CRAMP1: variants seen among roughly 807,000 people sequenced by gnomAD.
CRAMP1 encodes the protein protein cramped-like.
Under a neutral mutation model 115.4 loss-of-function variants are expected in CRAMP1, and 50 were observed. The observed-to-expected ratio is 0.43, with a 90% CI of 0.35 to 0.55. The LOEUF (loss-of-function observed/expected upper bound fraction) is 0.55, where lower values mean the gene tolerates loss of function less well. Among genes scored for constraint, CRAMP1 ranks in the 20% least tolerant of loss-of-function variants. CRAMP1 has a pLI of 0.01. For missense variants in CRAMP1, 1,679 were observed against 1,721.7 expected (o/e 0.98, Z 0.44); for synonymous variants, 866 against 745.4 (o/e 1.16, Z -2.64).
rs1197812928 is a variant in CRAMP1, at chr16:1,675,870, C to G, written c.*1825C>G. On this transcript the variant is annotated 3_prime_UTR_variant, in exon 21 of 21. Coordinates refer to ENST00000397412, the MANE Select transcript of CRAMP1 (RefSeq NM_020825.4). ...GAGAGAGACAGCAGTGTTTGAACTA[C>G]AGCATCTTTACACTAGCTTGTGTTT... 6.6e-6 allele frequency: 1 copy of G among 152,288 alleles called. No homozygotes were observed. Among genetic ancestry groups the G allele is most frequent in the Non-Finnish European group, 1.5e-5 (1 of 68,064 alleles). 9.4% of individuals were successfully genotyped at this position (152,288 alleles called of 1,614,324 possible).
intron 2 of CRAMP1, among the ~76,000 whole-genome samples, 191 bp downstream of exon 2, chr16:1,615,176 T>C (rs1483020796): frequency 6.6e-6 from 1 of 152,238 alleles, no homozygotes; most frequent in African/African-American, 2.4e-5. Flanking sequence ...CGACTTTCTA[T>C]ATTTAAACTC....
intron 3 of CRAMP1, among the ~76,000 whole-genome samples, chr16:1,630,947 G>A (rs751317205): frequency 9.9e-5 from 15 of 152,230 alleles, no homozygotes; most frequent in Non-Finnish European, 1.8e-4. Context: ...GGTGGTGTTT[G>A]CCTTGGTCGC....
chr16:1,634,481 C>T (rs1324671321), intron 4 of CRAMP1, among the ~76,000 whole-genome samples: 1 of 152,150 alleles, frequency 6.6e-6, no homozygotes, highest in African/African-American at 2.4e-5. Flanking sequence ...TAAATGCTCC[C>T]TCACACCTCT....
intron 8 of CRAMP1, among the ~76,000 whole-genome samples, chr16:1,654,856 CAG>C (rs2036756001): frequency 6.6e-6 from 1 of 152,252 alleles, no homozygotes; most frequent in Admixed American, 6.5e-5. Flanking sequence ...ACTTCTCCCT[CAG>C]AATGTATTAA....
chr16:1,677,905 C>T lies in CRAMP1; in HGVS notation c.*3860C>T, dbSNP rs1339941957. ...TGCATAAATACATACTAATGTTGAT[C>T]TAAGGACTGTCGTTTGTGCCTGTTC... On this transcript the variant is annotated 3_prime_UTR_variant, in exon 21 of 21. Coordinates refer to ENST00000397412, the MANE Select transcript of CRAMP1 (RefSeq NM_020825.4). 3.3e-5 allele frequency: 6 copies of T among 179,736 alleles called. No individual in the cohort carries two copies. The highest frequency in any genetic ancestry group is 1.4e-4 in the African/African-American group (6 of 42,602). 11.1% of individuals were successfully genotyped at this position (179,736 alleles called of 1,614,324 possible).
rs2036905003 is a variant in CRAMP1, at chr16:1,669,636, A to T, written c.3499+471A>T. 2.0e-5 allele frequency among the ~76,000 whole-genome samples: 3 copies of T among 152,232 alleles called. No individual in the cohort carries two copies. The highest frequency in any genetic ancestry group is 4.4e-5 in the Non-Finnish European group (3 of 68,044). ...TTCTTGAATATAGATCGGAGAGTTCAGAGGACGTGTCCATCCTCCTCCCCC... is the reference window on the plus strand; with the variant it reads ...TTCTTGAATATAGATCGGAGAGTTCTGAGGACGTGTCCATCCTCCTCCCCC... On this transcript the variant is annotated intron_variant, in intron 19 of 20. Coordinates refer to ENST00000397412, the MANE Select transcript of CRAMP1 (RefSeq NM_020825.4). The surrounding 1 kb of genome is among the most constrained non-coding windows in gnomAD (Gnocchi z 4.6).
chr16:1,625,906 G>A (rs999772835), intron 2 of CRAMP1, 67 bp from the exon 3 acceptor site: 2 of 1,481,842 alleles, frequency 1.3e-6, no homozygotes, highest in East Asian at 2.5e-5. Flanking sequence ...CCCTCCCACC[G>A]GCCCTCTACC....
chr16:1,614,735 G>A lies in CRAMP1; in HGVS notation c.96G>A (p.Gly32=), dbSNP rs1326863139. The change falls in exon 2 of 21, where the codon GGG becomes GGA. Residue 32 remains glycine, a synonymous_variant. Coordinates refer to ENST00000397412, the MANE Select transcript of CRAMP1 (RefSeq NM_020825.4). The surrounding 1 kb of genome is among the most constrained non-coding windows in gnomAD (Gnocchi z 4.4). The part of the protein sequence containing the change: ...AADEESLEGE[G]AGGADAAEES... The stretch of plus-strand genomic sequence containing the variant: ...ATGAGGAGTCCCTGGAAGGAGAAGG[G>A]GCCGGCGGCGCAGACGCGGCCGAGG... The A allele has an allele frequency of 2.2e-6, 3 of 1,369,912 alleles. No homozygotes were observed. The highest frequency in any genetic ancestry group is 2.6e-5 in the Admixed American group (1 of 38,718). 84.9% of individuals were successfully genotyped at this position (1,369,912 alleles called of 1,614,324 possible).
rs111951728 is a variant in CRAMP1, at chr16:1,644,623, T to A, written c.827+3436T>A. ...AGGGGCCACACAAAGAGTTGGGGAA[T>A]CACCTGGCCCAGGGAAAGGAAGGTG... On this transcript the variant is annotated intron_variant, in intron 6 of 20. Transcript: ENST00000397412. Among the ~76,000 whole-genome samples the A allele has an allele frequency of 2.7e-3, 403 of 152,008 alleles. 1 individual carries two copies. The highest frequency in any genetic ancestry group is 9.3e-3 in the African/African-American group (384 of 41,434).
intron 1 of CRAMP1, among the ~76,000 whole-genome samples, 128 bp downstream of exon 1, chr16:1,612,785 G>A (rs1333566524): frequency 1.3e-5 from 2 of 152,144 alleles, no homozygotes; most frequent in African/African-American, 4.8e-5. Flanking sequence ...TGGCCTCAGG[G>A]CGAGGAGGCT....
rs756191163 is a variant in CRAMP1 at position 1,668,192 on chromosome 16, C to T, written c.3333C>T (p.Tyr1111=). 30 of 1,610,774 alleles carry T rather than the reference C, an allele frequency of 1.9e-5. No individual in the cohort carries two copies. The Middle Eastern group carries it at 6.6e-4, about 35-fold the overall frequency. Residue 1111 remains tyrosine (Y), a splice_region_variant and synonymous_variant, in exon 18 of 21, where the codon TAC becomes TAT. Transcript: ENST00000397412. ...AGATCGCCATCAGCTCCGGTCAGTA[C>T]GGTAAGGGCAGGGCGGCCTCACAGC... ...IIEIAISSGQ[Y]GEGVPLSPAK...
At position 1,656,113 on chromosome 16, in the gene CRAMP1, T is replaced by C; in HGVS notation, c.1356T>C (p.Ser452=). 6.2e-7 allele frequency: 1 copy of C among 1,609,316 alleles called. No individual in the cohort carries two copies. The highest frequency in any genetic ancestry group is 8.5e-7 in the Non-Finnish European group (1 of 1,178,602). The change falls in exon 10 of 21, where the codon AGT becomes AGC. Residue 452 remains serine (S), a synonymous_variant. Transcript: ENST00000397412. The surrounding 1 kb of genome is among the most constrained non-coding windows in gnomAD (Gnocchi z 5.6). Reference sequence around the variant, plus strand: ...CAGCCCAGATCCTGGGCATCCAGAGTGGGCAGGGCACGGCCCGGGGCCAGG... The same window carrying C: ...CAGCCCAGATCCTGGGCATCCAGAGCGGGCAGGGCACGGCCCGGGGCCAGG... ...LPPAQILGIQ[S]GQGTARGQVK...
chr16:1,652,498 C>T lies in CRAMP1; in HGVS notation c.830C>T (p.Ala277Val), dbSNP rs1266217656. Residue 277 changes from alanine to valine, a missense_variant and splice_region_variant, in exon 7 of 21, where the codon GCC (alanine) becomes GTC (valine). Transcript: ENST00000397412. ...TKLNELIQVG[A>V]TTVRYKGRNL... ...TTCCTTCAAAACTCTTTTCCCAGGGCCACCACTGTACGTTACAAAGGGCGG... is the reference window on the plus strand; with the variant it reads ...TTCCTTCAAAACTCTTTTCCCAGGGTCACCACTGTACGTTACAAAGGGCGG... 7.7e-6 allele frequency: 12 copies of T among 1,551,724 alleles called. No homozygotes were observed. The highest frequency in any genetic ancestry group is 9.6e-6 in the Non-Finnish European group (11 of 1,146,986).
rs545660715 is a variant in CRAMP1 at position 1,635,504 on chromosome 16, G to A, written c.695-2320G>A. On this transcript the variant is annotated intron_variant, in intron 4 of 20. Coordinates refer to ENST00000397412, the MANE Select transcript of CRAMP1 (RefSeq NM_020825.4). The stretch of plus-strand genomic sequence containing the variant: ...AACATGAGGTGCCACCTAGGAGGCC[G>A]TGGGGCCAGGCGGGGCATCAGGGAC... 4.6e-5 allele frequency among the ~76,000 whole-genome samples: 7 copies of A among 152,324 alleles called. No individual in the cohort carries two copies. In the South Asian group the frequency reaches 6.2e-4, roughly 14 times the overall value.
rs544526447 is a variant in CRAMP1, at chr16:1,643,466, G to A, written c.827+2279G>A. On this transcript the variant is annotated intron_variant, in intron 6 of 20. Transcript: ENST00000397412. ...TGAGGCAGGAGAATCGCTTGAACCC[G>A]AGAGGCGGAGGTTGCAGTGAACCAA... is the stretch of plus-strand genomic sequence containing the variant. 4.6e-5 allele frequency among the ~76,000 whole-genome samples: 7 copies of A among 152,058 alleles called. No individual in the cohort carries two copies. In the East Asian group the frequency reaches 1.4e-3, roughly 29 times the overall value.
chr16:1,620,871 G>A (rs868240949), intron 2 of CRAMP1, among the ~76,000 whole-genome samples: 2 of 152,140 alleles, frequency 1.3e-5, no homozygotes, highest in South Asian at 4.2e-4. Flanking sequence ...AGGTTGCGTG[G>A]TTCTTGCTGC....
intron 6 of CRAMP1, among the ~76,000 whole-genome samples, chr16:1,646,279 G>A (rs981531652): frequency 2.0e-5 from 3 of 152,220 alleles, no homozygotes; most frequent in African/African-American, 4.8e-5. Flanking sequence ...CCAGGAGGAG[G>A]AGGAGGTGGG....
intron 2 of CRAMP1, among the ~76,000 whole-genome samples, chr16:1,615,257 A>G (rs192049704): frequency 1.8e-4 from 28 of 152,294 alleles, no homozygotes; most frequent in Non-Finnish European, 3.8e-4. Flanking sequence ...TTCCTTTCCA[A>G]AGGATCACTG....
rs552030913 is a variant in CRAMP1 at position 1,625,003 on chromosome 16, A to C, written c.347-970A>C. 5.9e-5 allele frequency among the ~76,000 whole-genome samples: 9 copies of C among 152,328 alleles called. No individual in the cohort carries two copies. The East Asian group carries it at 1.5e-3, about 26-fold the overall frequency. ...CAGCCTCCCAAAGTGCTGGGATTAC[A>C]GGAGTGAGCCACCACGCCTAGCCAG... On this transcript the variant is annotated intron_variant, in intron 2 of 20. Transcript: ENST00000397412.
Sources: allele counts gnomAD v4.1 joint callset (sites outside exome capture counted in the v4.1 genomes callset), GRCh38; gene constraint gnomAD v4.1.1; non-coding constraint Gnocchi (gnomAD v3.1); transcripts MANE v1.5; gene names NCBI Gene and HGNC (gene_info 2026-07-23, HGNC 2026-07-21).